DGKB: variants seen among roughly 807,000 people sequenced by gnomAD.
DGKB encodes 90 kDa diacylglycerol kinase.
DGKB carries 67 observed loss-of-function variants against 114.3 expected under a neutral mutation model. That is an observed-to-expected ratio of 0.59 (90% CI 0.48 to 0.72). The LOEUF (loss-of-function observed/expected upper bound fraction) is 0.72, where lower values mean the gene tolerates loss of function less well. Among genes scored for constraint, DGKB ranks in the 30% least tolerant of loss-of-function variants. DGKB has a pLI of 0.00. For missense variants in DGKB, 907 were observed against 975.2 expected (o/e 0.93, Z 0.93); for synonymous variants, 398 against 323.1 (o/e 1.23, Z -2.49).
At chr7:14,725,265 T>C (rs1829846937) in intron 5 of DGKB, among the ~76,000 whole-genome samples, 1 of 152,188 alleles carries the variant, frequency 6.6e-6, no homozygotes, top group African/African-American at 2.4e-5. Context: ...CCAAAATTAT[T>C]AATGAATTTA....
intron 1 of DGKB, among the ~76,000 whole-genome samples, chr7:14,942,090 T>C (rs1483928384): frequency 1.3e-5 from 2 of 152,044 alleles, no homozygotes; most frequent in East Asian, 3.9e-4. Context: ...CAATCCCTGC[T>C]TGTTAGCAGA....
intron 9 of DGKB, among the ~76,000 whole-genome samples, chr7:14,687,446 T>C (rs1821912637): frequency 1.3e-5 from 2 of 152,180 alleles, no homozygotes; most frequent in Admixed American, 1.3e-4. Context: ...TTTGTATTAA[T>C]TTCTGAATTT....
At chr7:14,228,347 A>C (rs1252644974) in intron 23 of DGKB, among the ~76,000 whole-genome samples, 1 of 152,008 alleles carries the variant, frequency 6.6e-6, no homozygotes, top group Non-Finnish European at 1.5e-5. Flanking sequence ...CTCCCACTGC[A>C]ACCAGTTCTA....
Position 14,423,214 on chromosome 7 carries a change from CTA to C in DGKB, c.1835+54945_1835+54946del, listed in dbSNP as rs1273969333. On this transcript the variant is annotated intron_variant, in intron 21 of 25. Coordinates refer to ENST00000402815, the MANE Select transcript of DGKB (RefSeq NM_001350709.2). ...CTAGACAATAGTCAGCATAATATCA[CTA>C]TTATTAAAAATTCATAAATATTTTT... Among the ~76,000 whole-genome samples the C allele has an allele frequency of 3.3e-5, 5 of 152,004 alleles. No homozygotes were observed. The East Asian group carries it at 9.6e-4, about 29-fold the overall frequency.
intron 13 of DGKB, among the ~76,000 whole-genome samples, chr7:14,657,000 C>A (rs1189596984): frequency 6.6e-6 from 1 of 151,624 alleles, no homozygotes; most frequent in Non-Finnish European, 1.5e-5. Context: ...CAATCTGAGA[C>A]AATGTAACAG....
At chr7:14,797,293 G>A (rs1282462306) in intron 2 of DGKB, among the ~76,000 whole-genome samples, 1 of 152,064 alleles carries the variant, frequency 6.6e-6, no homozygotes, top group Non-Finnish European at 1.5e-5. Context: ...AGGTCCTCTT[G>A]AGGAAGGACC....
intron 23 of DGKB, among the ~76,000 whole-genome samples, chr7:14,330,295 T>C (rs1163382096): frequency 6.6e-6 from 1 of 151,978 alleles, no homozygotes; most frequent in Non-Finnish European, 1.5e-5. Flanking sequence ...CGACTGGTAC[T>C]AAAAACTCAT....
chr7:14,469,021 A>T (rs924572903), intron 21 of DGKB, among the ~76,000 whole-genome samples: 1 of 152,092 alleles, frequency 6.6e-6, no homozygotes, highest in Non-Finnish European at 1.5e-5. Flanking sequence ...ACTAGAAATA[A>T]ATATTTCTGT....
chr7:14,396,752 C>G (rs920235313), intron 21 of DGKB, among the ~76,000 whole-genome samples: 2 of 152,122 alleles, frequency 1.3e-5, no homozygotes, highest in African/African-American at 4.8e-5. Context: ...ATGCTTCAAT[C>G]CACACCAAGC....
intron 20 of DGKB, among the ~76,000 whole-genome samples, chr7:14,546,934 T>C (rs1794378366): frequency 6.6e-6 from 1 of 152,202 alleles, no homozygotes; most frequent in Non-Finnish European, 1.5e-5. Flanking sequence ...GTACTTAGTC[T>C]AATATTTTTC....
At chr7:14,295,691 T>A (rs1802421585) in intron 23 of DGKB, among the ~76,000 whole-genome samples, 1 of 152,214 alleles carries the variant, frequency 6.6e-6, no homozygotes, top group South Asian at 2.1e-4. Flanking sequence ...ATCCACCTGG[T>A]TCCAAGACTT....
chr7:14,737,470 AATTT>A (rs751459964), intron 4 of DGKB, among the ~76,000 whole-genome samples: 2 of 152,016 alleles, frequency 1.3e-5, no homozygotes, highest in African/African-American at 2.4e-5. Context: ...AGATTGACCG[AATTT>A]ATTATTGTAT....
At chr7:14,633,272 G>A (rs1314553672) in intron 13 of DGKB, among the ~76,000 whole-genome samples, 1 of 151,840 alleles carries the variant, frequency 6.6e-6, no homozygotes, top group African/African-American at 2.4e-5. Flanking sequence ...AGGATGAGTA[G>A]CAGGATCAAC....
chr7:14,610,267 A>G (rs1324107087), intron 16 of DGKB, among the ~76,000 whole-genome samples: 2 of 152,130 alleles, frequency 1.3e-5, no homozygotes, highest in East Asian at 3.8e-4. Flanking sequence ...GAATTAACAC[A>G]GAAACAGAAA....
intron 17 of DGKB, among the ~76,000 whole-genome samples, chr7:14,601,025 G>A (rs1585047120): frequency 6.6e-6 from 1 of 152,190 alleles, no homozygotes; most frequent in Non-Finnish European, 1.5e-5. Flanking sequence ...TCTGTCTGGG[G>A]TCTGGGGATC....
chr7:14,253,968 C>T (rs1037588209), intron 23 of DGKB, among the ~76,000 whole-genome samples: 1 of 152,102 alleles, frequency 6.6e-6, no homozygotes, highest in East Asian at 1.9e-4. Flanking sequence ...TATAACTGTC[C>T]AATGCAACTA....
At chr7:14,364,947 C>T (rs560554060) in intron 21 of DGKB, among the ~76,000 whole-genome samples, 1 of 152,106 alleles carries the variant, frequency 6.6e-6, no homozygotes, top group African/African-American at 2.4e-5. Flanking sequence ...AAACGTGTCA[C>T]ATAAGTGAAT....
chr7:14,713,294 TATATG>T (rs922043864), intron 6 of DGKB, among the ~76,000 whole-genome samples: 17 of 152,158 alleles, frequency 1.1e-4, no homozygotes, highest in African/African-American at 3.9e-4. Context: ...ATATGAGCAT[TATATG>T]ATATATGTTA....
rs937234038 is a variant in DGKB at position 14,698,017 on chromosome 7, GAGAA to G, written c.591+74_591+77del. On this transcript the variant is annotated intron_variant, in intron 8 of 25. Transcript: ENST00000402815. ...AGAAAAAAAGAAAGAAAGAAAGAAA[GAGAA>G]AGAAAGAAAGAAAGAAAAGAAAGAA... is the stretch of plus-strand genomic sequence containing the variant. The G allele has an allele frequency of 2.3e-4, 157 of 675,930 alleles. 1 individual carries two copies. The highest frequency in any genetic ancestry group is 8.3e-4 in the African/African-American group (40 of 48,234). The allele number at this position is 675,930 out of a possible 1,614,324, so 41.9% of individuals were successfully genotyped here. A position where few individuals can be genotyped will look rare whatever the true frequency, so the allele number is the denominator to read the frequency against.
Sources: gnomAD v4.1 joint callset for allele counts (sites outside exome capture counted in the v4.1 genomes callset) on GRCh38, gnomAD v4.1.1 for gene constraint, MANE v1.5 for transcripts, NCBI Gene and HGNC (gene_info 2026-07-23, HGNC 2026-07-21) for gene names.